The following FAM107B variants were observed in gnomAD, a reference collection of about 807,000 sequenced individuals.
FAM107B encodes family with sequence similarity 107 member B, also known as protein FAM107B.
FAM107B carries 21 observed loss-of-function variants against 31.5 expected under a neutral mutation model. That is an observed-to-expected ratio of 0.67 (90% CI 0.47 to 0.96). FAM107B has a LOEUF of 0.96. FAM107B is among the 40% of genes least tolerant of loss of function. FAM107B has a pLI of 0.00. For synonymous variants in FAM107B, 157 were observed against 141.5 expected (o/e 1.11, Z -0.78); for missense variants, 452 against 377.1 (o/e 1.20, Z -1.64).
chr10:14,728,624 C>T (rs1304273213), intron 1 of FAM107B, among the ~76,000 whole-genome samples: 1 of 152,142 alleles, frequency 6.6e-6, no homozygotes, highest in Non-Finnish European at 1.5e-5. Context: ...TTGTTTCCCT[C>T]TTACCGCATG....
chr10:14,595,458 C>A (rs1852158364), intron 2 of FAM107B, among the ~76,000 whole-genome samples: 1 of 102,174 alleles, frequency 9.8e-6, no homozygotes, highest in Non-Finnish European at 1.8e-5. Context: ...GGGAGTCTTG[C>A]TCTGTCACCC....
chr10:14,648,645 C>T (rs1437015277), intron 2 of FAM107B, among the ~76,000 whole-genome samples: 1 of 152,206 alleles, frequency 6.6e-6, no homozygotes, highest in African/African-American at 2.4e-5. Context: ...CACCTTCTGC[C>T]TGACCCCACC....
chr10:14,625,054 G>T (rs952447132), intron 2 of FAM107B, among the ~76,000 whole-genome samples: 2 of 151,870 alleles, frequency 1.3e-5, no homozygotes, highest in Non-Finnish European at 1.5e-5. Flanking sequence ...GTGAAATCCC[G>T]TCTCTACTAA....
intron 1 of FAM107B, among the ~76,000 whole-genome samples, chr10:14,695,830 C>A (rs1455019703): frequency 1.3e-5 from 2 of 152,088 alleles, no homozygotes; most frequent in South Asian, 2.1e-4. Flanking sequence ...GATTTTGTAT[C>A]CTTCAACTTT....
At chr10:14,665,431 G>T (rs922333876) in intron 2 of FAM107B, among the ~76,000 whole-genome samples, 1 of 152,224 alleles carries the variant, frequency 6.6e-6, no homozygotes, top group African/African-American at 2.4e-5. Context: ...TCTTTAGTGA[G>T]TAATGATGTC....
intron 2 of FAM107B, among the ~76,000 whole-genome samples, chr10:14,653,309 A>T (rs1853949798): frequency 6.6e-6 from 1 of 152,242 alleles, no homozygotes; most frequent in Admixed American, 6.5e-5. Flanking sequence ...AAGAAAGCTG[A>T]AAATTTCCAT....
At chr10:14,712,626 A>AAAAAAAAAAAAAAAG (rs1554851690) in intron 1 of FAM107B, among the ~76,000 whole-genome samples, 12 of 146,946 alleles carry the variant, frequency 8.2e-5, no homozygotes, top group Non-Finnish European at 9.0e-5. Flanking sequence ...AACAAAAAAA[A>AAAAAAAAAAAAAAAG]AAGAAGAAGA....
At chr10:14,729,442 A>G (rs1422940546) in intron 1 of FAM107B, among the ~76,000 whole-genome samples, 2 of 152,196 alleles carry the variant, frequency 1.3e-5, no homozygotes, top group African/African-American at 4.8e-5. Flanking sequence ...GGCAGTGGGA[A>G]TGCTAATACA....
intron 2 of FAM107B, among the ~76,000 whole-genome samples, chr10:14,531,336 T>G (rs564369128): frequency 6.6e-6 from 1 of 151,068 alleles, no homozygotes; most frequent in African/African-American, 2.4e-5. Context: ...CTGGGCAACA[T>G]AGCAAGACCC....
At chr10:14,705,074 A>G (rs1345443305) in intron 1 of FAM107B, among the ~76,000 whole-genome samples, 1 of 151,192 alleles carries the variant, frequency 6.6e-6, no homozygotes, top group African/African-American at 2.4e-5. Context: ...ACATTTCTCC[A>G]AAGAAGATAC....
At chr10:14,689,544 C>T (rs945750236) in intron 1 of FAM107B, among the ~76,000 whole-genome samples, 2 of 152,044 alleles carry the variant, frequency 1.3e-5, no homozygotes, top group African/African-American at 4.8e-5. Context: ...GAGGTAAGTA[C>T]GAGGAAGGCT....
chr10:14,535,762 G>A (rs1313971268), intron 2 of FAM107B, among the ~76,000 whole-genome samples: 1 of 152,154 alleles, frequency 6.6e-6, no homozygotes, highest in East Asian at 1.9e-4. Context: ...TAACAGAATT[G>A]TATTTCAGAC....
intron 2 of FAM107B, among the ~76,000 whole-genome samples, chr10:14,606,133 G>T (rs1852583981): frequency 6.6e-6 from 1 of 152,090 alleles, no homozygotes. Flanking sequence ...AAACATCCAA[G>T]GCTCCACTCA....
chr10:14,540,550 T>C lies in FAM107B; in HGVS notation c.470-10035A>G, dbSNP rs111816849. ...GACCACCCTCCCTCTGTCCTCCCCC[T>C]GTTCTCCCCCAGCTTTCTGCCCACA... On this transcript the variant is annotated intron_variant, in intron 2 of 4. Transcript: ENST00000181796. Among the ~76,000 whole-genome samples the C allele has an allele frequency of 2.1e-3, 313 of 152,174 alleles. 2 individuals are homozygous for C. The highest frequency in any genetic ancestry group is 7.0e-3 in the African/African-American group (292 of 41,512).
At chr10:14,583,132 G>A (rs920893566) in intron 2 of FAM107B, among the ~76,000 whole-genome samples, 2 of 151,926 alleles carry the variant, frequency 1.3e-5, no homozygotes, top group Non-Finnish European at 2.9e-5. Context: ...GCCAAAGCTG[G>A]TAAACGGCAG....
chr10:14,540,985 C>T (rs889096177), intron 2 of FAM107B, among the ~76,000 whole-genome samples: 7 of 152,208 alleles, frequency 4.6e-5, no homozygotes, highest in African/African-American at 7.2e-5. Flanking sequence ...GACGACAGCA[C>T]ACACACCATT....
At chr10:14,675,479 G>A (rs2131486027) in intron 1 of FAM107B, among the ~76,000 whole-genome samples, 1 of 152,178 alleles carries the variant, frequency 6.6e-6, no homozygotes, top group African/African-American at 2.4e-5. Flanking sequence ...TGTCATCCAA[G>A]GCCTGGTTCC....
intron 2 of FAM107B, among the ~76,000 whole-genome samples, chr10:14,580,595 T>C (rs17342669): frequency 6.6e-6 from 1 of 151,896 alleles, no homozygotes; most frequent in African/African-American, 2.4e-5. Flanking sequence ...GTTTTCCACA[T>C]GGAATGTTAC....
Position 14,530,428 on chromosome 10 carries a change from T to C in FAM107B, c.557A>G (p.Asn186Ser), listed in dbSNP as rs1365117425. 1.2e-6 allele frequency: 2 copies of C among 1,614,164 alleles called. No individual in the cohort carries two copies. The highest frequency in any genetic ancestry group is 1.1e-5 in the South Asian group (1 of 91,092). The change falls in exon 3 of 5, where the codon AAT becomes AGT. Residue 186 changes from asparagine (N) to serine (S), a missense_variant. By Grantham distance (46) the Asn-to-Ser change is conservative (BLOSUM62 1). Coordinates refer to ENST00000181796, the MANE Select transcript of FAM107B (RefSeq NM_031453.4). ...TTTCTGAGGCCTAATGAGTTCAGGA[T>C]TGTCATCTTCTATGTAGTCTGGCTC... ...MAEPDYIEDDNPELIRPQKLI... is the reference protein window; with the variant it reads ...MAEPDYIEDDSPELIRPQKLI...
Sources: gnomAD v4.1 joint callset for allele counts (sites outside exome capture counted in the v4.1 genomes callset) on GRCh38, gnomAD v4.1.1 for gene constraint, MANE v1.5 for transcripts, NCBI Gene and HGNC (gene_info 2026-07-23, HGNC 2026-07-21) for gene names.